The following ZNF793 variants were observed in gnomAD, a reference collection of about 807,000 sequenced individuals.
ZNF793 encodes the protein zinc finger protein 793.
In ZNF793, 5 loss-of-function variants were observed where a neutral mutation model predicts 12.4. That is an observed-to-expected ratio of 0.40 (90% confidence interval 0.21 to 0.84). ZNF793 has a LOEUF of 0.84. ZNF793 is among the 40% of genes least tolerant of loss of function. ZNF793 has a pLI of 0.35. For synonymous variants in ZNF793, 162 were observed against 172.4 expected (o/e 0.94, Z 0.47); for missense variants, 456 against 495.0 (o/e 0.92, Z 0.75).
At position 37,542,541 on chromosome 19, in the gene ZNF793, CA is replaced by C; in HGVS notation, c.*4669del. The C allele has an allele frequency of 1.5e-4, 50 of 340,838 alleles. No individual in the cohort carries two copies. The highest frequency in any genetic ancestry group is 4.2e-4 in the South Asian group (18 of 43,030). The allele number at this position is 340,838 out of a possible 1,614,324, so 21.1% of individuals were successfully genotyped here. On this transcript the variant is annotated 3_prime_UTR_variant, in exon 8 of 8. Transcript: ENST00000627814. ...TTATTGTAAAAATTGTTCTTAATGG[CA>C]AAAAAACCCCCAAAACCAAAGCAAA...
At chr19:37,507,295 C>G (rs1027330458) in intron 1 of ZNF793, 1 of 152,472 alleles carries the variant, frequency 6.6e-6, no homozygotes, top group Non-Finnish European at 1.5e-5. Flanking sequence ...TCTTGATTTT[C>G]AGGGTGCATG....
At chr19:37,514,670 A>G (rs1443433310) in intron 2 of ZNF793, among the ~76,000 whole-genome samples, 2 of 151,748 alleles carry the variant, frequency 1.3e-5, no homozygotes, top group South Asian at 2.1e-4. Context: ...TTTTTTTTAT[A>G]TAAAGCCAAC....
rs1280522238 is a variant in ZNF793, at chr19:37,508,310, C to T, written c.-369C>T. 6.6e-6 allele frequency: 1 copy of T among 152,138 alleles called. No homozygotes were observed. The highest frequency in any genetic ancestry group is 1.5e-5 in the Non-Finnish European group (1 of 68,044). 9.4% of individuals were successfully genotyped at this position (152,138 alleles called of 1,614,324 possible). A position where few individuals can be genotyped will look rare whatever the true frequency, so the allele number is the denominator to read the frequency against. On this transcript the variant is annotated 5_prime_UTR_variant, in exon 2 of 8. Transcript: ENST00000627814. Reference sequence around the variant, plus strand: ...TGACATACGCATCTGTGCCAGCATCCCAAGAGTGAGGCTGGTTTCTGGAAA... The same window carrying T: ...TGACATACGCATCTGTGCCAGCATCTCAAGAGTGAGGCTGGTTTCTGGAAA...
chr19:37,507,454 G>A (rs1420477747), intron 1 of ZNF793: 2 of 152,244 alleles, frequency 1.3e-5, no homozygotes, highest in Admixed American at 6.5e-5. Context: ...TTGGGTACTG[G>A]AATTGGTGAT....
chr19:37,520,677 C>T lies in ZNF793; in HGVS notation c.-147+365C>T, dbSNP rs546181944. Among the ~76,000 whole-genome samples the T allele has an allele frequency of 4.6e-5, 7 of 152,190 alleles. No individual in the cohort carries two copies. The South Asian group carries it at 6.2e-4, about 14-fold the overall frequency. On this transcript the variant is annotated intron_variant, in intron 3 of 7. Transcript: ENST00000627814. ...AAGGGGGCATCTTTCTAGCCCATTGCGTTCTGCTATCTTGTGGTATGGGGT... is the reference window on the plus strand; with the variant it reads ...AAGGGGGCATCTTTCTAGCCCATTGTGTTCTGCTATCTTGTGGTATGGGGT...
chr19:37,515,256 C>G (rs1367252971), intron 2 of ZNF793, among the ~76,000 whole-genome samples: 1 of 152,090 alleles, frequency 6.6e-6, no homozygotes, highest in Non-Finnish European at 1.5e-5. Context: ...AGTAAGGGGG[C>G]TGGTTTAAAA....
At chr19:37,514,603 TAGATAG>T (rs2147063207) in intron 2 of ZNF793, among the ~76,000 whole-genome samples, 1 of 129,858 alleles carries the variant, frequency 7.7e-6, no homozygotes, top group Admixed American at 7.8e-5. Context: ...GATAGATAGA[TAGATAG>T]ATAGACTCTT....
At chr19:37,516,430 G>A (rs763318316) in intron 2 of ZNF793, among the ~76,000 whole-genome samples, 5 of 152,042 alleles carry the variant, frequency 3.3e-5, no homozygotes, top group Admixed American at 6.6e-5. Flanking sequence ...CACTGTGCCC[G>A]GCCTATGATC....
intron 4 of ZNF793, 74 bp downstream of exon 4, chr19:37,522,721 A>C (rs1298189590): frequency 1.3e-5 from 2 of 152,158 alleles, no homozygotes; most frequent in African/African-American, 4.8e-5. Flanking sequence ...TCAGGTATGC[A>C]TTTGGGGTGT....
rs1158527241 is a variant in ZNF793 at position 37,538,770 on chromosome 19, G to A, written c.*891G>A. ...AAAATATCTGTGAAGAGACTTAAAG[G>A]CATACTCTGGTATATTCCACAGTGA... On this transcript the variant is annotated 3_prime_UTR_variant, in exon 8 of 8. Transcript: ENST00000627814. The A allele has an allele frequency of 1.3e-5, 2 of 152,146 alleles. No individual in the cohort carries two copies. The highest frequency in any genetic ancestry group is 4.8e-5 in the African/African-American group (2 of 41,426). The allele number at this position is 152,146 out of a possible 1,614,324, so 9.4% of individuals were successfully genotyped here. A position where few individuals can be genotyped will look rare whatever the true frequency, so the allele number is the denominator to read the frequency against.
rs1039527053 is a variant in ZNF793 at position 37,539,295 on chromosome 19, A to G, written c.*1416A>G. 4 of 152,234 alleles carry G rather than the reference A, an allele frequency of 2.6e-5. No homozygotes were observed. Among genetic ancestry groups the G allele is most frequent in the Admixed American group, 6.5e-5 (1 of 15,290 alleles). The allele number at this position is 152,234 out of a possible 1,614,324, so 9.4% of individuals were successfully genotyped here. A position where few individuals can be genotyped will look rare whatever the true frequency, so the allele number is the denominator to read the frequency against. ...TTAAAATATCTTGTAGCAAATTAGT[A>G]GCATTGCTACACTATTCTAGATACA... On this transcript the variant is annotated 3_prime_UTR_variant, in exon 8 of 8. Transcript: ENST00000627814.
At chr19:37,531,171 G>GT (rs34781214) in intron 5 of ZNF793, among the ~76,000 whole-genome samples, 49,870 of 149,880 alleles carry the variant, frequency 0.33, 10,273 homozygotes, top group Non-Finnish European at 0.48. Flanking sequence ...TTTTTTGTTT[G>GT]TTTTTTTTTG....
At chr19:37,511,008 T>TA (rs34817959) in intron 2 of ZNF793, among the ~76,000 whole-genome samples, 1 of 152,076 alleles carries the variant, frequency 6.6e-6, no homozygotes, top group Admixed American at 6.5e-5. Flanking sequence ...AAAAATTCTT[T>TA]AAAAAAATTG....
intron 2 of ZNF793, among the ~76,000 whole-genome samples, chr19:37,509,563 C>G (rs2042276887): frequency 6.6e-6 from 1 of 152,056 alleles, no homozygotes; most frequent in Admixed American, 6.6e-5. Context: ...GCAGATAGTC[C>G]CTGTTTTTCA....
Position 37,520,214 on chromosome 19 carries a change from C to T in ZNF793, c.-245C>T, listed in dbSNP as rs994979925. ...CTGGGTGCCCTGCAGACCTTTGGATCCTGCCACCTTGCTGGACGGGAGGGC... is the reference window on the plus strand; with the variant it reads ...CTGGGTGCCCTGCAGACCTTTGGATTCTGCCACCTTGCTGGACGGGAGGGC... On this transcript the variant is annotated 5_prime_UTR_variant, in exon 3 of 8. Transcript: ENST00000627814. The T allele has an allele frequency of 1.3e-5, 2 of 152,392 alleles. No homozygotes were observed. The highest frequency in any genetic ancestry group is 1.3e-4 in the Admixed American group (2 of 15,272). The allele number at this position is 152,392 out of a possible 1,614,324, so 9.4% of individuals were successfully genotyped here. A position where few individuals can be genotyped will look rare whatever the true frequency, so the allele number is the denominator to read the frequency against.
At chr19:37,532,519 C>G in intron 6 of ZNF793, 37 bp downstream of exon 6, 5 of 1,523,590 alleles carry the variant, frequency 3.3e-6, no homozygotes, top group Non-Finnish European at 4.4e-6. Flanking sequence ...AGATTATGTT[C>G]GAATGACCAC....
chr19:37,523,287 A>G (rs1208379106), intron 4 of ZNF793, 123 bp from the exon 5 acceptor site: 4 of 783,252 alleles, frequency 5.1e-6, no homozygotes, highest in Admixed American at 2.3e-5. Flanking sequence ...ACACCCAGCT[A>G]AAAGCATGGA....
chr19:37,507,246 G>A (rs2042257170), intron 1 of ZNF793: 1 of 152,830 alleles, frequency 6.5e-6, no homozygotes, highest in African/African-American at 2.4e-5. Context: ...GATGGATTGG[G>A]AGTGTGTGGG....
chr19:37,519,499 A>G (rs1373798468), intron 2 of ZNF793, among the ~76,000 whole-genome samples: 1 of 152,214 alleles, frequency 6.6e-6, no homozygotes, highest in Non-Finnish European at 1.5e-5. Flanking sequence ...CTTGTTTGGT[A>G]TTTGGAAACT....
Sources: allele counts gnomAD v4.1 joint callset (sites outside exome capture counted in the v4.1 genomes callset), GRCh38; gene constraint gnomAD v4.1.1; transcripts MANE v1.5; gene names NCBI Gene and HGNC (gene_info 2026-07-23, HGNC 2026-07-21).